ITGA9: variants seen among roughly 807,000 people sequenced by gnomAD.
ITGA9 encodes integrin alpha-9.
Under a neutral mutation model 127.8 loss-of-function variants are expected in ITGA9, and 56 were observed. The observed-to-expected ratio is 0.44, with a 90% CI of 0.35 to 0.55. The LOEUF (loss-of-function observed/expected upper bound fraction) is 0.55. ITGA9 is among the 20% of genes least tolerant of loss of function. ITGA9 has a pLI of 0.00. For synonymous variants in ITGA9, 508 were observed against 514.5 expected (o/e 0.99, Z 0.17); for missense variants, 1,196 against 1,347.1 (o/e 0.89, Z 1.76).
At chr3:37,700,909 C>T (rs900509721) in intron 18 of ITGA9, among the ~76,000 whole-genome samples, 5 of 152,102 alleles carry the variant, frequency 3.3e-5, no homozygotes, top group Non-Finnish European at 5.9e-5. Context: ...CCTTATCTCC[C>T]GGAAAAGGGA....
At chr3:37,784,836 A>G (rs541603974) in intron 25 of ITGA9, 141 bp from the exon 26 acceptor site, 34 of 699,120 alleles carry the variant, frequency 4.9e-5, no homozygotes, top group South Asian at 4.4e-4. Flanking sequence ...GGTGCCTGGG[A>G]TGGAGAGGTA....
At chr3:37,690,924 C>A (rs1417673027) in intron 18 of ITGA9, among the ~76,000 whole-genome samples, 1 of 152,166 alleles carries the variant, frequency 6.6e-6, no homozygotes, top group African/African-American at 2.4e-5. Context: ...GTTAAACCAA[C>A]TACTACAGTG....
intron 17 of ITGA9, among the ~76,000 whole-genome samples, chr3:37,657,069 G>A (rs1036785176): frequency 2.0e-5 from 3 of 152,084 alleles, no homozygotes; most frequent in Non-Finnish European, 4.4e-5. Flanking sequence ...TAAACTTTTT[G>A]ATGTGCGGCT....
chr3:37,538,056 T>G (rs1327956657), intron 14 of ITGA9, among the ~76,000 whole-genome samples: 1 of 152,060 alleles, frequency 6.6e-6, no homozygotes, highest in Non-Finnish European at 1.5e-5. Context: ...CTTGTCAATC[T>G]CTGGAGGCTG....
At chr3:37,495,149 C>T (rs960697929) in intron 5 of ITGA9, among the ~76,000 whole-genome samples, 2 of 152,104 alleles carry the variant, frequency 1.3e-5, no homozygotes, top group South Asian at 2.1e-4. Flanking sequence ...GACGGGGTTT[C>T]GCCATGTTGG....
chr3:37,562,031 GCT>G (rs1346613475), intron 15 of ITGA9, among the ~76,000 whole-genome samples: 2 of 152,170 alleles, frequency 1.3e-5, no homozygotes, highest in Non-Finnish European at 2.9e-5. Flanking sequence ...CCATCCTTCA[GCT>G]CTTCTGCTTA....
intron 17 of ITGA9, among the ~76,000 whole-genome samples, chr3:37,674,239 C>T (rs12629266): frequency 0.19 from 29,253 of 152,194 alleles, 3,517 homozygotes; most frequent in Admixed American, 0.29. Context: ...ATCCAGGGGA[C>T]TTTGGAATAA....
chr3:37,676,559 A>G (rs1414076037), intron 17 of ITGA9, among the ~76,000 whole-genome samples: 1 of 152,252 alleles, frequency 6.6e-6, no homozygotes, highest in Non-Finnish European at 1.5e-5. Context: ...GATACTGACT[A>G]GATAGAACTG....
At chr3:37,510,163 A>C (rs1698887159) in intron 8 of ITGA9, among the ~76,000 whole-genome samples, 1 of 150,838 alleles carries the variant, frequency 6.6e-6, no homozygotes, top group South Asian at 2.1e-4. Flanking sequence ...CACCATGCCC[A>C]GCAAATTTTT....
chr3:37,526,114 G>T, intron 13 of ITGA9, 43 bp downstream of exon 13: 1 of 1,558,836 alleles, frequency 6.4e-7, no homozygotes, highest in Non-Finnish European at 8.9e-7. Context: ...GCTGTTCAGG[G>T]TGAGGGATGG....
chr3:37,544,187 A>G (rs1699303723), intron 15 of ITGA9, among the ~76,000 whole-genome samples: 1 of 152,136 alleles, frequency 6.6e-6, no homozygotes, highest in South Asian at 2.1e-4. Flanking sequence ...GTTCCTAGTT[A>G]CCAAGGGTAC....
At chr3:37,635,561 TTTTTA>T (rs149340883) in intron 16 of ITGA9, among the ~76,000 whole-genome samples, 83,063 of 149,204 alleles carry the variant, frequency 0.56, 23,527 homozygotes, top group African/African-American at 0.66. Context: ...ATGAAAATTG[TTTTTA>T]TTTTATTTTA....
chr3:37,730,937 C>G (rs866302999), intron 18 of ITGA9, among the ~76,000 whole-genome samples: 1 of 152,142 alleles, frequency 6.6e-6, no homozygotes, highest in East Asian at 1.9e-4. Flanking sequence ...CAGGATGGGC[C>G]AAAATGGAAG....
chr3:37,544,811 T>G (rs565816783), intron 15 of ITGA9, among the ~76,000 whole-genome samples: 3 of 152,314 alleles, frequency 2.0e-5, no homozygotes, highest in African/African-American at 7.2e-5. Context: ...GACACATGTC[T>G]CTGAGACCTT....
intron 12 of ITGA9, among the ~76,000 whole-genome samples, chr3:37,525,430 CT>C (rs1699083873): frequency 6.6e-6 from 1 of 152,046 alleles, no homozygotes; most frequent in African/African-American, 2.4e-5. Flanking sequence ...GGATAATTAT[CT>C]TCATTTTACA....
chr3:37,785,604 G>A (rs375374691), intron 26 of ITGA9, among the ~76,000 whole-genome samples: 78 of 152,144 alleles, frequency 5.1e-4, no homozygotes, highest in African/African-American at 1.7e-3. Flanking sequence ...CTCCAGAGTA[G>A]CTAGGACTAC....
intron 18 of ITGA9, among the ~76,000 whole-genome samples, chr3:37,693,679 A>G (rs1363792091): frequency 1.3e-5 from 2 of 152,210 alleles, no homozygotes; most frequent in Non-Finnish European, 2.9e-5. Flanking sequence ...TTTTAGACAG[A>G]AGGTTCCATA....
At chr3:37,683,787 C>T in intron 17 of ITGA9, 78 bp from the exon 18 acceptor site, 4 of 1,484,948 alleles carry the variant, frequency 2.7e-6, no homozygotes, top group Non-Finnish European at 3.7e-6. Context: ...CTGCCCCCCA[C>T]CTTCAACTAC....
chr3:37,535,237 G>A (rs1699196910), intron 14 of ITGA9, among the ~76,000 whole-genome samples: 1 of 152,256 alleles, frequency 6.6e-6, no homozygotes, highest in South Asian at 2.1e-4. Flanking sequence ...TGGCCTTGAA[G>A]CAGTGTTAGA....
Sources: gnomAD v4.1 joint callset for allele counts (sites outside exome capture counted in the v4.1 genomes callset) on GRCh38, gnomAD v4.1.1 for gene constraint, MANE v1.5 for transcripts, NCBI Gene and HGNC (gene_info 2026-07-23, HGNC 2026-07-21) for gene names.